Variants in PHACTR4 observed in about 807,000 individuals in gnomAD.
The protein encoded by PHACTR4 is protein phosphatase 1, regulatory subunit 124.
A neutral mutation model predicts 72.7 loss-of-function variants in PHACTR4; 51 were observed. The observed-to-expected ratio is 0.70, with a 90% CI of 0.56 to 0.89. The LOEUF is 0.89. Ranked by LOEUF, PHACTR4 falls within the 40% of genes least tolerant of loss-of-function variation. The probability of loss-of-function intolerance (pLI) is 0.00; values close to 1 mark genes in which losing one functional copy is unlikely to be tolerated. For synonymous variants in PHACTR4, 255 were observed against 302.5 expected (o/e 0.84, Z 1.63); for missense variants, 731 against 861.8 (o/e 0.85, Z 1.90).
At position 28,460,291 on chromosome 1, in the gene PHACTR4, A is replaced by G; in HGVS notation, c.270A>G (p.Gln90=). 1 of 1,610,774 alleles carries G rather than the reference A, an allele frequency of 6.2e-7. No individual in the cohort carries two copies. The highest frequency in any genetic ancestry group is 1.3e-5 in the African/African-American group (1 of 74,994). ...GGGTTCTGTTGGAAGACCCTGAGCA[A>G]GGTGAGTTTACAAATAAATAGCATA... ...KRGVLLEDPE[Q]GGEDPGKPSD... is the part of the protein sequence containing the mutation. The change falls in exon 4 of 14, where the codon CAA becomes CAG. Residue 90 remains glutamine, a splice_region_variant and synonymous_variant. Transcript: ENST00000373839.
chr1:28,393,376 A>G (rs1557783353), intron 1 of PHACTR4, among the ~76,000 whole-genome samples: 1 of 152,228 alleles, frequency 6.6e-6, no homozygotes, highest in Non-Finnish European at 1.5e-5. Flanking sequence ...GGCTCATTCT[A>G]TTAAATGAAT....
rs371985252 is a variant in PHACTR4 at position 28,466,367 on chromosome 1, C to T, written c.437-15C>T. 1 of 1,599,568 alleles carries T rather than the reference C, an allele frequency of 6.3e-7. No individual in the cohort carries two copies. Among genetic ancestry groups the T allele is most frequent in the African/African-American group, 1.3e-5 (1 of 74,656 alleles). ...CTCTCTCTTCCCTTTTTATACCATACATGTTATTACACAGGCTCAACTGGA... is the reference window on the plus strand; with the variant it reads ...CTCTCTCTTCCCTTTTTATACCATATATGTTATTACACAGGCTCAACTGGA... On this transcript the variant is annotated splice_polypyrimidine_tract_variant and intron_variant, in intron 5 of 13. Transcript: ENST00000373839.
At chr1:28,465,612 A>C in intron 4 of PHACTR4, 73 bp from the exon 5 acceptor site, 2 of 1,444,624 alleles carry the variant, frequency 1.4e-6, no homozygotes, top group South Asian at 2.7e-5. Context: ...GAAAGAAAAA[A>C]AGAAATTACT....
At chr1:28,479,535 A>C (rs562170742) in intron 8 of PHACTR4, among the ~76,000 whole-genome samples, 6 of 148,860 alleles carry the variant, frequency 4.0e-5, no homozygotes, top group Admixed American at 1.3e-4. Context: ...GTGAGCCGAG[A>C]TCTTGCCACT....
At chr1:28,447,359 A>G (rs1416077058) in intron 2 of PHACTR4, among the ~76,000 whole-genome samples, 2 of 151,148 alleles carry the variant, frequency 1.3e-5, no homozygotes, top group Non-Finnish European at 2.9e-5. Flanking sequence ...TAGACCTATT[A>G]TCACAACCTA....
intron 2 of PHACTR4, among the ~76,000 whole-genome samples, chr1:28,454,188 ACT>A (rs1658191294): frequency 6.6e-6 from 1 of 151,902 alleles, no homozygotes. Context: ...AGATATAATA[ACT>A]CTAAATTTGT....
chr1:28,467,698 CT>C (rs1220840708), intron 6 of PHACTR4, among the ~76,000 whole-genome samples: 1 of 152,012 alleles, frequency 6.6e-6, no homozygotes, highest in Non-Finnish European at 1.5e-5. Context: ...TTAAATTGTT[CT>C]GATAAAATCA....
intron 13 of PHACTR4, among the ~76,000 whole-genome samples, chr1:28,495,892 A>C (rs928495654): frequency 2.6e-5 from 4 of 151,474 alleles, no homozygotes; most frequent in Non-Finnish European, 5.9e-5. Flanking sequence ...GTTGGGATTG[A>C]TTACAGGCAT....
At chr1:28,490,086 A>G (rs1660935575) in intron 10 of PHACTR4, among the ~76,000 whole-genome samples, 1 of 152,236 alleles carries the variant, frequency 6.6e-6, no homozygotes, top group Non-Finnish European at 1.5e-5. Context: ...GAACAACTAT[A>G]CGTAATAGGT....
intron 1 of PHACTR4, among the ~76,000 whole-genome samples, chr1:28,373,890 A>AC (rs2124097720): frequency 6.6e-6 from 1 of 152,216 alleles, no homozygotes; most frequent in East Asian, 1.9e-4. Context: ...AGGAAATATC[A>AC]GAGTAAACCA....
intron 2 of PHACTR4, among the ~76,000 whole-genome samples, chr1:28,409,152 T>C (rs1654586031): frequency 6.7e-6 from 1 of 149,410 alleles, no homozygotes; most frequent in African/African-American, 2.5e-5. Context: ...CAAGACTGGA[T>C]ATCACTGTGT....
chr1:28,492,958 A>G, intron 12 of PHACTR4, 57 bp from the exon 13 acceptor site: 1 of 1,451,192 alleles, frequency 6.9e-7, no homozygotes, highest in African/African-American at 1.4e-5. Context: ...ATGACAAGTT[A>G]CACTGCTGTG....
chr1:28,487,962 C>T (rs556896179), intron 9 of PHACTR4, among the ~76,000 whole-genome samples: 1 of 151,400 alleles, frequency 6.6e-6, no homozygotes, highest in African/African-American at 2.4e-5. Context: ...GTTTTGAGTT[C>T]CTGACCTCAG....
In PHACTR4 at chr1:28,459,176, G is replaced by A. The variant is rs775659676; in HGVS notation, c.108G>A (p.Lys36=). Residue 36 remains lysine, a synonymous_variant, in exon 3 of 14, where the codon AAG becomes AAA. Transcript: ENST00000373839. The part of the protein sequence containing the change: ...DTTPPTKRKS[K]FSGFGKIFKP... ...CACCTCCTACCAAAAGGAAGAGCAA[G>A]TTCTCAGGCTTTGGCAAGATCTTCA... 20 of 1,613,722 alleles carry A rather than the reference G, an allele frequency of 1.2e-5. No homozygotes were observed. The East Asian group carries it at 4.0e-4, about 32-fold the overall frequency.
intron 12 of PHACTR4, 54 bp downstream of exon 12, chr1:28,491,841 T>C: frequency 6.3e-7 from 1 of 1,579,862 alleles, no homozygotes; most frequent in Non-Finnish European, 8.6e-7. Context: ...TCTCTTTATT[T>C]GGAGGATCCA....
chr1:28,419,666 A>G lies in PHACTR4; in HGVS notation c.16+12203A>G, dbSNP rs542127125. 2.0e-5 allele frequency among the ~76,000 whole-genome samples: 3 copies of G among 152,224 alleles called. No individual in the cohort carries two copies. The South Asian group carries it at 6.2e-4, about 32-fold the overall frequency. On this transcript the variant is annotated intron_variant, in intron 2 of 13. Transcript: ENST00000373839. ...TAGGTCAAAAACTAGAACGAAAATGATATGCTTGCTTATCTTTGTAGATGG... is the reference window on the plus strand; with the variant it reads ...TAGGTCAAAAACTAGAACGAAAATGGTATGCTTGCTTATCTTTGTAGATGG...
intron 1 of PHACTR4, among the ~76,000 whole-genome samples, chr1:28,406,647 T>C (rs1654346111): frequency 6.6e-6 from 1 of 152,122 alleles, no homozygotes; most frequent in Admixed American, 6.5e-5. Flanking sequence ...TTGTGACTTA[T>C]AAAAAGCAGG....
intron 2 of PHACTR4, among the ~76,000 whole-genome samples, chr1:28,422,016 T>G (rs1379138180): frequency 6.6e-6 from 1 of 152,212 alleles, no homozygotes; most frequent in African/African-American, 2.4e-5. Context: ...CTGCCCTAAC[T>G]GCCATGCAGG....
chr1:28,413,065 C>T (rs2124307959), intron 2 of PHACTR4, among the ~76,000 whole-genome samples: 1 of 152,258 alleles, frequency 6.6e-6, no homozygotes, highest in South Asian at 2.1e-4. Flanking sequence ...CACCCCAACA[C>T]CCCCGTCTGT....
Sources: allele counts gnomAD v4.1 joint callset (sites outside exome capture counted in the v4.1 genomes callset), GRCh38; gene constraint gnomAD v4.1.1; transcripts MANE v1.5; gene names NCBI Gene and HGNC (gene_info 2026-07-23, HGNC 2026-07-21).